Variants in SHISA9 observed in about 807,000 individuals in gnomAD.
The protein encoded by SHISA9 is protein shisa-9.
SHISA9 carries 13 observed loss-of-function variants against 38.0 expected under a neutral mutation model. The observed-to-expected ratio is 0.34, with a 90% CI of 0.22 to 0.54. SHISA9 has a LOEUF of 0.54. Among genes scored for constraint, SHISA9 ranks in the 20% least tolerant of loss-of-function variants. SHISA9 has a pLI of 0.91. For missense variants in SHISA9, 538 were observed against 575.8 expected (o/e 0.93, Z 0.67); for synonymous variants, 275 against 242.0 (o/e 1.14, Z -1.27).
At chr16:12,955,700 C>T (rs11641145) in intron 2 of SHISA9, among the ~76,000 whole-genome samples, 28,991 of 150,834 alleles carry the variant, frequency 0.19, 3,410 homozygotes, top group Middle Eastern at 0.35. Context: ...AATTGGCTAG[C>T]CATATGCAGA....
Position 13,143,974 on chromosome 16 carries a change from A to G in SHISA9, c.692-59420A>G, listed in dbSNP as rs116989320. The stretch of plus-strand genomic sequence containing the variant: ...GCACATTTGTCACCAAGAGCATTTG[A>G]TCTATTTCATAAAATAAACTCAGTT... On this transcript the variant is annotated intron_variant, in intron 2 of 4. Coordinates refer to ENST00000558583, the MANE Select transcript of SHISA9 (RefSeq NM_001145204.3). Among the ~76,000 whole-genome samples, 602 of 152,290 alleles carry G rather than the reference A, an allele frequency of 4.0e-3. 2 individuals carry two copies. Among genetic ancestry groups the G allele is most frequent in the Middle Eastern group, 0.017 (5 of 294 alleles).
At chr16:13,125,260 A>G (rs2050246364) in intron 2 of SHISA9, among the ~76,000 whole-genome samples, 2 of 152,204 alleles carry the variant, frequency 1.3e-5, no homozygotes. Context: ...GAGCACAAAC[A>G]ACTCTATAGG....
intron 2 of SHISA9, among the ~76,000 whole-genome samples, chr16:13,088,423 A>G (rs2073737990): frequency 6.6e-6 from 1 of 152,048 alleles, no homozygotes; most frequent in African/African-American, 2.4e-5. Context: ...CATTTTCACG[A>G]TATTGATTCT....
chr16:13,250,886 C>G, the SHISA9 span, among the ~76,000 whole-genome samples: 1 of 152,092 alleles, frequency 6.6e-6, no homozygotes. Context: ...GATTCAGATG[C>G]TCTGTGGGCT....
intron 2 of SHISA9, among the ~76,000 whole-genome samples, chr16:12,922,925 A>G (rs998691135): frequency 2.0e-5 from 3 of 151,970 alleles, no homozygotes; most frequent in African/African-American, 4.8e-5. Context: ...AATGCTTTCT[A>G]TTGTCACAAC....
the SHISA9 span, among the ~76,000 whole-genome samples, chr16:13,409,905 T>G: frequency 6.6e-6 from 1 of 152,238 alleles, no homozygotes; most frequent in Non-Finnish European, 1.5e-5. Flanking sequence ...ACTTAAACTT[T>G]GCAGTAAATA....
chr16:13,132,753 C>A (rs1217515656), intron 2 of SHISA9, among the ~76,000 whole-genome samples: 1 of 152,196 alleles, frequency 6.6e-6, no homozygotes, highest in Non-Finnish European at 1.5e-5. Flanking sequence ...AAGCAATTAT[C>A]TTCTGAGTGA....
At chr16:13,262,143 C>G in the SHISA9 span, among the ~76,000 whole-genome samples, 3 of 152,142 alleles carry the variant, frequency 2.0e-5, no homozygotes, top group Non-Finnish European at 4.4e-5. Flanking sequence ...TCAAATGCCC[C>G]CAAACAATTT....
chr16:13,134,502 A>G (rs1291075173), intron 2 of SHISA9, among the ~76,000 whole-genome samples: 2 of 152,152 alleles, frequency 1.3e-5, no homozygotes, highest in East Asian at 1.9e-4. Flanking sequence ...AAATTTTCAC[A>G]GAGTAGAGAA....
At chr16:13,019,458 CT>C (rs981460847) in intron 2 of SHISA9, among the ~76,000 whole-genome samples, 20 of 149,276 alleles carry the variant, frequency 1.3e-4, no homozygotes, top group Admixed American at 3.4e-4. Flanking sequence ...TCTGGCGTCT[CT>C]TTTTTTTTTC....
At chr16:13,343,087 T>G in the SHISA9 span, among the ~76,000 whole-genome samples, 6 of 152,240 alleles carry the variant, frequency 3.9e-5, no homozygotes, top group African/African-American at 1.4e-4. Context: ...CTATTGTTGT[T>G]GTTAATATGA....
At position 13,227,346 on chromosome 16, in the gene SHISA9, G is replaced by A. The variant is rs144015260; in HGVS notation, c.896-7684G>A. 2.4e-3 allele frequency among the ~76,000 whole-genome samples: 364 copies of A among 152,306 alleles called. 3 individuals are homozygous for A. Among genetic ancestry groups the A allele is most frequent in the African/African-American group, 7.8e-3 (323 of 41,564 alleles). On this transcript the variant is annotated intron_variant, in intron 4 of 4. Transcript: ENST00000558583. ...AAAGGGGGTAGGAGAAAGGGAATAG[G>A]TTAAGGAAATATTTGTTAGATATAG...
the SHISA9 span, among the ~76,000 whole-genome samples, chr16:13,488,365 A>G: frequency 6.6e-6 from 1 of 152,246 alleles, no homozygotes; most frequent in Non-Finnish European, 1.5e-5. Flanking sequence ...ATACTTCAAC[A>G]TAAATGCTGC....
intron 2 of SHISA9, among the ~76,000 whole-genome samples, chr16:13,027,954 AG>A (rs1166322160): frequency 5.3e-5 from 8 of 150,660 alleles, no homozygotes; most frequent in African/African-American, 1.9e-4. Context: ...AAAAAAAAAA[AG>A]AATGTATACT....
chr16:13,211,130 C>G (rs968207705), intron 3 of SHISA9, among the ~76,000 whole-genome samples: 1 of 152,032 alleles, frequency 6.6e-6, no homozygotes, highest in Non-Finnish European at 1.5e-5. Flanking sequence ...AACCCCATCT[C>G]TACTAAAAAT....
chr16:12,988,015 A>G (rs946518451), intron 2 of SHISA9, among the ~76,000 whole-genome samples: 1 of 152,218 alleles, frequency 6.6e-6, no homozygotes, highest in Non-Finnish European at 1.5e-5. Flanking sequence ...AAATACACCA[A>G]TAATCAGATA....
the SHISA9 span, among the ~76,000 whole-genome samples, chr16:13,505,460 G>A: frequency 6.6e-6 from 1 of 152,158 alleles, no homozygotes; most frequent in South Asian, 2.1e-4. Flanking sequence ...GTCCAATTTG[G>A]AGCAAATTGG....
the SHISA9 span, among the ~76,000 whole-genome samples, chr16:13,414,747 C>A: frequency 6.7e-6 from 1 of 149,314 alleles, no homozygotes; most frequent in Admixed American, 6.8e-5. Context: ...CGGGTTCAAG[C>A]GATTCTCCCT....
At chr16:13,267,611 T>G in the SHISA9 span, among the ~76,000 whole-genome samples, 68,924 of 151,930 alleles carry the variant, frequency 0.45, 16,377 homozygotes, top group African/African-American at 0.59. Flanking sequence ...ATTTATAATG[T>G]TGAAAAGGAG....
Sources: gnomAD v4.1 joint callset for allele counts (sites outside exome capture counted in the v4.1 genomes callset) on GRCh38, gnomAD v4.1.1 for gene constraint, MANE v1.5 for transcripts, NCBI Gene and HGNC (gene_info 2026-07-23, HGNC 2026-07-21) for gene names.